The following GRID1 variants were observed in gnomAD, a reference collection of about 807,000 sequenced individuals.
GRID1 encodes the protein glutamate receptor ionotropic, delta-1.
In GRID1, 28 loss-of-function variants were observed where a neutral mutation model predicts 98.0. The observed-to-expected ratio is 0.29, with a 90% CI of 0.21 to 0.39. GRID1 has a LOEUF of 0.39. Among genes scored for constraint, GRID1 ranks in the 10% least tolerant of loss-of-function variants. GRID1 has a pLI of 1.00. For synonymous variants in GRID1, 553 were observed against 538.5 expected (o/e 1.03, Z -0.37); for missense variants, 1,111 against 1,340.5 (o/e 0.83, Z 2.67).
At chr10:85,832,161 A>G (rs998345154) in intron 8 of GRID1, among the ~76,000 whole-genome samples, 3 of 152,156 alleles carry the variant, frequency 2.0e-5, no homozygotes, top group Non-Finnish European at 4.4e-5. Flanking sequence ...CTAAATGTAT[A>G]TACTAGCATG....
chr10:85,670,501 A>T (rs1174294073), intron 12 of GRID1, among the ~76,000 whole-genome samples: 1 of 152,228 alleles, frequency 6.6e-6, no homozygotes, highest in Non-Finnish European at 1.5e-5. Flanking sequence ...GTCAGAAATG[A>T]TATCAGAAGT....
intron 4 of GRID1, among the ~76,000 whole-genome samples, chr10:86,133,424 T>C (rs1302854089): frequency 6.6e-6 from 1 of 152,176 alleles, no homozygotes; most frequent in East Asian, 1.9e-4. Context: ...CACCCCACAC[T>C]CCACTGCCAT....
At chr10:86,360,733 T>C (rs1564748662) in intron 2 of GRID1, among the ~76,000 whole-genome samples, 1 of 152,198 alleles carries the variant, frequency 6.6e-6, no homozygotes, top group Non-Finnish European at 1.5e-5. Flanking sequence ...CATTTAATCC[T>C]CACAATCCCA....
chr10:86,077,192 C>G (rs1843895404), intron 4 of GRID1, among the ~76,000 whole-genome samples: 1 of 147,178 alleles, frequency 6.8e-6, no homozygotes, highest in Admixed American at 6.8e-5. Flanking sequence ...GGGTGTCATG[C>G]TTAGTGAAGC....
chr10:86,034,775 T>C (rs912927575), intron 4 of GRID1, among the ~76,000 whole-genome samples: 3 of 152,118 alleles, frequency 2.0e-5, no homozygotes, highest in African/African-American at 7.2e-5. Context: ...TGTCTATCTT[T>C]TCCTCAGATT....
chr10:85,833,162 C>A (rs1274728358), intron 8 of GRID1, among the ~76,000 whole-genome samples: 1 of 152,194 alleles, frequency 6.6e-6, no homozygotes, highest in Non-Finnish European at 1.5e-5. Context: ...CACCCAGTGT[C>A]AGCAGGTGGC....
chr10:85,920,438 C>G (rs1273007348), intron 4 of GRID1, among the ~76,000 whole-genome samples: 3 of 152,008 alleles, frequency 2.0e-5, no homozygotes, highest in Non-Finnish European at 4.4e-5. Context: ...GTGCATAATC[C>G]CTCATTCCTT....
chr10:85,818,480 C>A (rs76017188), intron 8 of GRID1, among the ~76,000 whole-genome samples: 2,025 of 152,294 alleles, frequency 0.013, 19 homozygotes, highest in Non-Finnish European at 0.02. Flanking sequence ...ACATTAATCA[C>A]CCATATTTTA....
In GRID1 at chr10:85,796,368, A is replaced by T. The variant is rs375712328; in HGVS notation, c.1233+58128T>A. On this transcript the variant is annotated intron_variant, in intron 8 of 15. Transcript: ENST00000327946. ...AAAATATTAATTGGACAAAGAATAC[A>T]TACTATAACAAATTCTTACAGAGAA... is the stretch of plus-strand genomic sequence containing the variant. Among the ~76,000 whole-genome samples the T allele has an allele frequency of 2.2e-4, 33 of 152,320 alleles. No individual in the cohort carries two copies. In the East Asian group the frequency reaches 6.2e-3, roughly 28 times the overall value.
chr10:85,869,695 C>T (rs1191988234), intron 5 of GRID1, among the ~76,000 whole-genome samples: 1 of 152,162 alleles, frequency 6.6e-6, no homozygotes, highest in East Asian at 1.9e-4. Flanking sequence ...ACAAAATCTA[C>T]CTATATCTCT....
chr10:86,260,183 C>T (rs965279970), intron 2 of GRID1, among the ~76,000 whole-genome samples: 16 of 152,230 alleles, frequency 1.1e-4, no homozygotes, highest in Admixed American at 7.2e-4. Flanking sequence ...GTACCAACCA[C>T]GTGGCTTCCT....
chr10:86,326,074 T>C (rs1053448643), intron 2 of GRID1, among the ~76,000 whole-genome samples: 2 of 152,228 alleles, frequency 1.3e-5, no homozygotes, highest in Non-Finnish European at 2.9e-5. Flanking sequence ...ATCAATAGCT[T>C]TCGTGTATGG....
chr10:86,075,065 G>T (rs572340815), intron 4 of GRID1, among the ~76,000 whole-genome samples: 147 of 150,180 alleles, frequency 9.8e-4, no homozygotes, highest in African/African-American at 3.5e-3. Context: ...ACCCCACAGT[G>T]AGAGGCCTGG....
intron 4 of GRID1, among the ~76,000 whole-genome samples, chr10:86,080,436 G>A (rs1422764309): frequency 4.1e-5 from 1 of 24,350 alleles, no homozygotes; most frequent in Non-Finnish European, 8.6e-5. Context: ...GGGGAGGGGA[G>A]GGGAGGGGAG....
intron 2 of GRID1, among the ~76,000 whole-genome samples, chr10:86,328,921 C>T (rs1002832142): frequency 2.6e-5 from 4 of 152,164 alleles, no homozygotes; most frequent in Admixed American, 2.0e-4. Context: ...CCCTGTATAG[C>T]ACTTGACAAG....
At chr10:85,959,640 T>C (rs1842240089) in intron 4 of GRID1, among the ~76,000 whole-genome samples, 1 of 152,128 alleles carries the variant, frequency 6.6e-6, no homozygotes, top group Admixed American at 6.5e-5. Context: ...GTACTCTTTT[T>C]CCGGTCTGGC....
At chr10:86,270,245 A>T (rs1229226402) in intron 2 of GRID1, among the ~76,000 whole-genome samples, 2 of 152,172 alleles carry the variant, frequency 1.3e-5, no homozygotes, top group African/African-American at 4.8e-5. Context: ...TACCCACTGC[A>T]GCCTGGCACA....
At chr10:86,046,935 C>T (rs1296044953) in intron 4 of GRID1, among the ~76,000 whole-genome samples, 3 of 151,864 alleles carry the variant, frequency 2.0e-5, no homozygotes, top group Non-Finnish European at 4.4e-5. Context: ...GGGGATACCA[C>T]CTAGGTCTGC....
chr10:85,853,204 C>A lies in GRID1; in HGVS notation c.1233+1292G>T, dbSNP rs529103510. Among the ~76,000 whole-genome samples the A allele has an allele frequency of 1.2e-4, 19 of 152,204 alleles. No individual in the cohort carries two copies. The South Asian group carries it at 3.9e-3, about 32-fold the overall frequency. On this transcript the variant is annotated intron_variant, in intron 8 of 15. Coordinates refer to ENST00000327946, the MANE Select transcript of GRID1 (RefSeq NM_017551.3). ...TCCACCAGTCCACACATGCATCTTT[C>A]TACCCTGGCCCTCAGGAGCAAAACC...
Sources: allele counts gnomAD v4.1 joint callset (sites outside exome capture counted in the v4.1 genomes callset), GRCh38; gene constraint gnomAD v4.1.1; transcripts MANE v1.5; gene names NCBI Gene and HGNC (gene_info 2026-07-23, HGNC 2026-07-21).